LYPD6B: variants seen among roughly 807,000 people sequenced by gnomAD.
The protein encoded by LYPD6B is ly6/PLAUR domain-containing protein 6B.
Under a neutral mutation model 22.8 loss-of-function variants are expected in LYPD6B, and 17 were observed. The ratio of observed to expected loss-of-function variants is 0.75; its 90% CI spans 0.51 to 1.12. LYPD6B has a LOEUF of 1.12. Ranked by LOEUF, LYPD6B falls within the 50% of genes most tolerant of loss-of-function variation. LYPD6B has a pLI of 0.00. For missense variants in LYPD6B, 221 were observed against 258.3 expected (o/e 0.86, Z 0.99); for synonymous variants, 106 against 91.6 (o/e 1.16, Z -0.90).
At chr2:149,081,398 A>G (rs921812294) in intron 1 of LYPD6B, among the ~76,000 whole-genome samples, 1 of 152,218 alleles carries the variant, frequency 6.6e-6, no homozygotes, top group Non-Finnish European at 1.5e-5. Context: ...CTCTTGGTGT[A>G]GGGATATTAA....
At chr2:149,149,727 G>A (rs986844708) in intron 2 of LYPD6B, among the ~76,000 whole-genome samples, 2 of 152,060 alleles carry the variant, frequency 1.3e-5, no homozygotes, top group African/African-American at 4.8e-5. Flanking sequence ...ACTTCTAACT[G>A]TAGAAGAACA....
chr2:149,055,376 G>T (rs1372806476), intron 1 of LYPD6B, among the ~76,000 whole-genome samples: 1 of 152,052 alleles, frequency 6.6e-6, no homozygotes, highest in Non-Finnish European at 1.5e-5. Flanking sequence ...GCTATTCTGG[G>T]TCCCTTCCAT....
intron 1 of LYPD6B, among the ~76,000 whole-genome samples, chr2:149,099,758 CCT>C (rs1558996791): frequency 6.6e-6 from 1 of 152,044 alleles, no homozygotes; most frequent in African/African-American, 2.4e-5. Flanking sequence ...CCTTTAAAAC[CCT>C]GTTTGTCCCA....
chr2:149,063,901 CTG>C (rs1395270895), intron 1 of LYPD6B, among the ~76,000 whole-genome samples: 5 of 152,276 alleles, frequency 3.3e-5, no homozygotes, highest in African/African-American at 9.6e-5. Context: ...ATATAAAAGA[CTG>C]GGACAATTCA....
At chr2:149,040,748 C>G (rs985770531) in intron 1 of LYPD6B, among the ~76,000 whole-genome samples, 1 of 152,182 alleles carries the variant, frequency 6.6e-6, no homozygotes, top group Non-Finnish European at 1.5e-5. Flanking sequence ...TCACCAGCGC[C>G]TAAAGGTAGT....
At position 149,213,924 on chromosome 2, in the gene LYPD6B, C is replaced by T. The variant is rs540637639; in HGVS notation, c.460-622C>T. 5.9e-5 allele frequency among the ~76,000 whole-genome samples: 9 copies of T among 152,250 alleles called. No homozygotes were observed. In the South Asian group the frequency reaches 1.9e-3, roughly 32 times the overall value. ...GCCTAGAGTTGATGCCTTTATCATACCTAGTCATCCTGGAAGCCTCTATGA... is the reference window on the plus strand; with the variant it reads ...GCCTAGAGTTGATGCCTTTATCATATCTAGTCATCCTGGAAGCCTCTATGA... On this transcript the variant is annotated intron_variant, in intron 6 of 6. Coordinates refer to ENST00000409642, the MANE Select transcript of LYPD6B (RefSeq NM_177964.5).
chr2:149,212,331 G>A (rs1447429387), intron 5 of LYPD6B, among the ~76,000 whole-genome samples: 2 of 119,564 alleles, frequency 1.7e-5, no homozygotes, highest in South Asian at 3.0e-4. Flanking sequence ...GCAGTGAGCC[G>A]AGATCACGCC....
At chr2:149,098,524 G>A (rs1686015756) in intron 1 of LYPD6B, among the ~76,000 whole-genome samples, 2 of 151,434 alleles carry the variant, frequency 1.3e-5, no homozygotes. Context: ...CTACTCTGGA[G>A]GCTGAGGCAG....
At chr2:149,068,534 A>G (rs1283514478) in intron 1 of LYPD6B, 3 of 283,906 alleles carry the variant, frequency 1.1e-5, no homozygotes, top group East Asian at 8.4e-5. Flanking sequence ...CTTTTTATAA[A>G]TAAAAAATTA....
chr2:149,165,031 G>A (rs909789939), intron 3 of LYPD6B, among the ~76,000 whole-genome samples: 1 of 152,118 alleles, frequency 6.6e-6, no homozygotes, highest in Non-Finnish European at 1.5e-5. Flanking sequence ...TCTTCTGTTA[G>A]TTTCACCTGG....
intron 1 of LYPD6B, among the ~76,000 whole-genome samples, chr2:149,057,804 C>T (rs1683876120): frequency 6.6e-6 from 1 of 152,144 alleles, no homozygotes; most frequent in Admixed American, 6.5e-5. Context: ...TCATCGCAAG[C>T]CTCTGATTAT....
chr2:149,152,476 A>G (rs1689442093), intron 2 of LYPD6B, among the ~76,000 whole-genome samples: 1 of 152,192 alleles, frequency 6.6e-6, no homozygotes, highest in African/African-American at 2.4e-5. Context: ...GAATTGGACA[A>G]GTGGGAATGT....
At chr2:149,060,771 A>G (rs1315323294) in intron 1 of LYPD6B, among the ~76,000 whole-genome samples, 1 of 152,154 alleles carries the variant, frequency 6.6e-6, no homozygotes, top group Non-Finnish European at 1.5e-5. Context: ...GGAGCTACAG[A>G]GTCACTTCCA....
intron 1 of LYPD6B, among the ~76,000 whole-genome samples, chr2:149,061,553 G>A (rs531105363): frequency 7.9e-5 from 12 of 152,236 alleles, no homozygotes; most frequent in African/African-American, 2.6e-4. Flanking sequence ...AGGACAGGGG[G>A]AGGCAGCCCA....
At chr2:149,208,450 T>C (rs1445791164) in intron 5 of LYPD6B, 38 bp downstream of exon 5, 1 of 1,465,674 alleles carries the variant, frequency 6.8e-7, no homozygotes, top group South Asian at 1.1e-5. Flanking sequence ...TGTGATCTCA[T>C]TTCATTTGAA....
chr2:149,169,072 T>A (rs1559048211), intron 3 of LYPD6B, among the ~76,000 whole-genome samples: 1 of 152,184 alleles, frequency 6.6e-6, no homozygotes, highest in Non-Finnish European at 1.5e-5. Flanking sequence ...AGGGTAAATT[T>A]GAGTAATGCA....
In LYPD6B at chr2:149,202,909, T is replaced by A. The variant is rs545863793; in HGVS notation, c.78-2344T>A. Among the ~76,000 whole-genome samples, 3 of 152,324 alleles carry A rather than the reference T, an allele frequency of 2.0e-5. No homozygotes were observed. In the East Asian group the frequency reaches 5.8e-4, roughly 29 times the overall value. ...CATTAATTTAATTCCTACAACCCTA[T>A]GAAATGGGTATTATTACTCCCATTT... On this transcript the variant is annotated intron_variant, in intron 3 of 6. Coordinates refer to ENST00000409642, the MANE Select transcript of LYPD6B (RefSeq NM_177964.5).
At chr2:149,137,541 G>A (rs1688441544) in intron 2 of LYPD6B, among the ~76,000 whole-genome samples, 1 of 152,168 alleles carries the variant, frequency 6.6e-6, no homozygotes, top group Non-Finnish European at 1.5e-5. Context: ...CAAGAGCAGA[G>A]ATTTTTGTAT....
chr2:149,056,932 G>C (rs1270649738), intron 1 of LYPD6B, among the ~76,000 whole-genome samples: 1 of 152,118 alleles, frequency 6.6e-6, no homozygotes, highest in Non-Finnish European at 1.5e-5. Context: ...GTTCTTATTA[G>C]TTGTATGTTC....
Sources: allele counts gnomAD v4.1 joint callset (sites outside exome capture counted in the v4.1 genomes callset), GRCh38; gene constraint gnomAD v4.1.1; transcripts MANE v1.5; gene names NCBI Gene and HGNC (gene_info 2026-07-23, HGNC 2026-07-21).